The following ADGRB3 variants were observed in gnomAD, a reference collection of about 807,000 sequenced individuals.
The protein encoded by ADGRB3 is brain-specific angiogenesis inhibitor 3.
In ADGRB3, 37 loss-of-function variants were observed where a neutral mutation model predicts 193.4. The observed-to-expected ratio is 0.19, with a 90% CI of 0.15 to 0.25. ADGRB3 has a LOEUF of 0.25. Ranked by LOEUF, ADGRB3 falls within the 10% of genes least tolerant of loss-of-function variation. ADGRB3 has a pLI of 1.00. For missense variants in ADGRB3, 1,637 were observed against 1,852.9 expected (o/e 0.88, Z 2.14); for synonymous variants, 690 against 644.2 (o/e 1.07, Z -1.08).
In ADGRB3 at chr6:69,361,415, G is replaced by T. The variant is rs183570911; in HGVS notation, c.4142G>T (p.Arg1381Leu). The T allele has an allele frequency of 3.3e-4, 525 of 1,612,868 alleles. 2 individuals are homozygous for T. Among genetic ancestry groups the T allele is most frequent in the Non-Finnish European group, 1.4e-5 (17 of 1,179,190 alleles). The change falls in exon 29 of 32, where the codon CGC becomes CTC. Residue 1381 changes from arginine (R) to leucine (L), a missense_variant. This residue lies in a region of ADGRB3 where 368 missense variants were observed against 367.4 expected (regional missense o/e 1.00). Coordinates refer to ENST00000370598, the MANE Select transcript of ADGRB3 (RefSeq NM_001704.3). ...ATGCAGAATTTGCCCTTTGAACCTC[G>T]CACAGCTGTGAAGAATTTCATGGCC... ...EHMQNLPFEPRTAVKNFMASE... is the reference protein window; with the variant it reads ...EHMQNLPFEPLTAVKNFMASE...
At chr6:69,071,953 A>C (rs967540437) in intron 16 of ADGRB3, among the ~76,000 whole-genome samples, 1 of 152,110 alleles carries the variant, frequency 6.6e-6, no homozygotes, top group Non-Finnish European at 1.5e-5. Flanking sequence ...CCCTTTGAGA[A>C]AAGTAACTGA....
intron 13 of ADGRB3, among the ~76,000 whole-genome samples, chr6:69,046,949 C>CG (rs1771253814): frequency 2.0e-5 from 3 of 152,170 alleles, no homozygotes; most frequent in Admixed American, 2.0e-4. Flanking sequence ...GCTCCACCTC[C>CG]CGGGTTCACA....
intron 3 of ADGRB3, among the ~76,000 whole-genome samples, chr6:68,815,527 A>G (rs920477817): frequency 4.0e-5 from 6 of 151,340 alleles, no homozygotes; most frequent in Non-Finnish European, 8.8e-5. Flanking sequence ...ATAATTTTTG[A>G]TAATCCAGGT....
At chr6:68,818,905 A>G (rs2127379321) in intron 3 of ADGRB3, among the ~76,000 whole-genome samples, 1 of 150,814 alleles carries the variant, frequency 6.6e-6, no homozygotes, top group African/African-American at 2.4e-5. Context: ...AGGAATCTTC[A>G]GTATTTCTAT....
intron 3 of ADGRB3, among the ~76,000 whole-genome samples, chr6:68,658,351 G>A (rs1185396691): frequency 2.6e-5 from 4 of 151,226 alleles, no homozygotes; most frequent in South Asian, 2.1e-4. Context: ...GTAACTATAG[G>A]ACGTTTCAAA....
intron 17 of ADGRB3, among the ~76,000 whole-genome samples, chr6:69,078,125 CA>C (rs1311799803): frequency 6.6e-6 from 1 of 151,896 alleles, no homozygotes; most frequent in East Asian, 1.9e-4. Flanking sequence ...TCTTTTTATA[CA>C]GAAAACGGCT....
intron 3 of ADGRB3, among the ~76,000 whole-genome samples, chr6:68,875,622 A>T (rs1421441872): frequency 6.6e-6 from 1 of 152,088 alleles, no homozygotes; most frequent in African/African-American, 2.4e-5. Context: ...TAACGGCATT[A>T]TTATTGCCAT....
chr6:69,218,880 C>T (rs190799206), intron 17 of ADGRB3, among the ~76,000 whole-genome samples: 239 of 152,172 alleles, frequency 1.6e-3, no homozygotes, highest in African/African-American at 5.3e-3. Flanking sequence ...ATCACTTTCA[C>T]TTGTACCTGC....
At chr6:68,999,511 G>T (rs572574522) in intron 11 of ADGRB3, among the ~76,000 whole-genome samples, 1 of 152,024 alleles carries the variant, frequency 6.6e-6, no homozygotes, top group Non-Finnish European at 1.5e-5. Flanking sequence ...TGATCTGCCC[G>T]CCTCAACCTC....
At chr6:68,922,302 TA>T (rs1223674756) in intron 3 of ADGRB3, among the ~76,000 whole-genome samples, 1 of 152,146 alleles carries the variant, frequency 6.6e-6, no homozygotes, top group Non-Finnish European at 1.5e-5. Context: ...TTCCCCCTTA[TA>T]AAAAAATTTC....
intron 3 of ADGRB3, among the ~76,000 whole-genome samples, chr6:68,729,265 T>A (rs1291468659): frequency 6.6e-6 from 1 of 151,576 alleles, no homozygotes; most frequent in Non-Finnish European, 1.5e-5. Context: ...ATGCTAAATC[T>A]AGAAGTCGAT....
At chr6:68,974,665 A>T in intron 8 of ADGRB3, 98 bp from the exon 9 acceptor site, 2 of 880,692 alleles carry the variant, frequency 2.3e-6, no homozygotes, top group Non-Finnish European at 3.6e-6. Flanking sequence ...AAAGAAAACT[A>T]AAGAGCTCTG....
intron 26 of ADGRB3, among the ~76,000 whole-genome samples, chr6:69,350,774 A>T (rs909879152): frequency 2.0e-5 from 3 of 147,576 alleles, no homozygotes; most frequent in Admixed American, 6.7e-5. Flanking sequence ...ATTTTATTTT[A>T]TTTTTTTTAT....
chr6:69,231,755 G>T (rs1766144878), intron 17 of ADGRB3, among the ~76,000 whole-genome samples: 1 of 151,966 alleles, frequency 6.6e-6, no homozygotes, highest in African/African-American at 2.4e-5. Flanking sequence ...GAAGTATTGG[G>T]GTAAAGTTAG....
At chr6:68,775,145 T>TAAAAAA (rs746086066) in intron 3 of ADGRB3, among the ~76,000 whole-genome samples, 6,002 of 115,548 alleles carry the variant, frequency 0.052, 257 homozygotes, top group Non-Finnish European at 0.072. Context: ...AGCTGCTTGT[T>TAAAAAA]AAAAAAAAAA....
chr6:68,820,158 C>A (rs947242621), intron 3 of ADGRB3, among the ~76,000 whole-genome samples: 1 of 151,894 alleles, frequency 6.6e-6, no homozygotes, highest in South Asian at 2.1e-4. Flanking sequence ...GTATTTAGAC[C>A]AATTAACTTG....
At chr6:68,725,804 C>G (rs1307050529) in intron 3 of ADGRB3, among the ~76,000 whole-genome samples, 1 of 151,470 alleles carries the variant, frequency 6.6e-6, no homozygotes, top group Non-Finnish European at 1.5e-5. Flanking sequence ...ACAGAGTGAA[C>G]AAGGGGGACC....
At chr6:69,357,478 T>C (rs1452600885) in intron 28 of ADGRB3, among the ~76,000 whole-genome samples, 1 of 152,020 alleles carries the variant, frequency 6.6e-6, no homozygotes, top group African/African-American at 2.4e-5. Context: ...TCTAAGTCTT[T>C]ATTCAAACTG....
Position 68,948,229 on chromosome 6 carries a change from C to T in ADGRB3, c.1195+4235C>T, listed in dbSNP as rs62418269. 3.3e-3 allele frequency among the ~76,000 whole-genome samples: 504 copies of T among 152,202 alleles called. 1 individual carries two copies. Among genetic ancestry groups the T allele is most frequent in the Non-Finnish European group, 5.9e-3 (402 of 67,988 alleles). On this transcript the variant is annotated intron_variant, in intron 6 of 31. Transcript: ENST00000370598. ...CTTGTTTTTGTCTTTTAAGTGTCATCGTATGCTACTGATGTTTTCTGATAT... is the reference window on the plus strand; with the variant it reads ...CTTGTTTTTGTCTTTTAAGTGTCATTGTATGCTACTGATGTTTTCTGATAT...
Sources: allele counts gnomAD v4.1 joint callset (sites outside exome capture counted in the v4.1 genomes callset), GRCh38; gene constraint gnomAD v4.1.1; regional missense constraint gnomAD v4.1.1; transcripts MANE v1.5; gene names NCBI Gene and HGNC (gene_info 2026-07-23, HGNC 2026-07-21).